Variants in ADD3 observed in about 807,000 individuals in gnomAD.
The protein encoded by ADD3 is adducin 3, also known as gamma-adducin.
A neutral mutation model predicts 80.2 loss-of-function variants in ADD3; 25 were observed. The observed-to-expected ratio is 0.31, with a 90% CI of 0.23 to 0.44. ADD3 has a LOEUF of 0.44. ADD3 is among the 20% of genes least tolerant of loss of function. The probability of loss-of-function intolerance (pLI) is 1.00; values close to 1 mark genes in which losing one functional copy is unlikely to be tolerated. For synonymous variants in ADD3, 284 were observed against 289.6 expected, an observed-to-expected ratio of 0.98 and a Z score of 0.20; for missense variants, 829 against 847.5, an observed-to-expected ratio of 0.98 and a Z score of 0.27.
rs118066002 is a variant in ADD3, at chr10:110,101,002, C to G, written c.195+154C>G. On this transcript the variant is annotated intron_variant, in intron 2 of 14. Transcript: ENST00000356080. ...AGTCTTTCAAAGGAGAAATGGACATCTAATTTGTGTATTTGATTTGCAGAG... is the reference window on the plus strand; with the variant it reads ...AGTCTTTCAAAGGAGAAATGGACATGTAATTTGTGTATTTGATTTGCAGAG... Among the ~76,000 whole-genome samples, 191 of 152,212 alleles carry G rather than the reference C, an allele frequency of 1.3e-3. 4 individuals carry two copies. The East Asian group carries it at 0.031, about 25-fold the overall frequency.
chr10:110,129,035 C>G (rs180747798), intron 12 of ADD3, among the ~76,000 whole-genome samples: 2 of 152,216 alleles, frequency 1.3e-5, no homozygotes, highest in East Asian at 3.9e-4. Flanking sequence ...TTATCTGGGA[C>G]TATTTAGTTT....
intron 11 of ADD3, 137 bp from the exon 12 acceptor site, chr10:110,126,280 A>G: frequency 1.5e-6 from 1 of 652,816 alleles, no homozygotes; most frequent in Non-Finnish European, 2.6e-6. Flanking sequence ...ATGGTAAAAG[A>G]GGTCTTTATG....
At chr10:110,008,587 C>A (rs562175782) in intron 1 of ADD3, among the ~76,000 whole-genome samples, 3 of 152,312 alleles carry the variant, frequency 2.0e-5, no homozygotes, top group South Asian at 4.1e-4. Flanking sequence ...GTGGGCCCGA[C>A]GCTTCGCGCG....
At chr10:110,005,315 C>T (rs1851583308), upstream of ADD3, among the ~76,000 whole-genome samples, 1 of 152,174 alleles carries the variant, frequency 6.6e-6, no homozygotes, top group South Asian at 2.1e-4. Flanking sequence ...CTGCCTCAGC[C>T]TCCCAAAGTG....
At chr10:110,112,734 C>T (rs1205425845) in intron 2 of ADD3, 43 bp from the exon 3 acceptor site, 1 of 1,577,170 alleles carries the variant, frequency 6.3e-7, no homozygotes, top group East Asian at 2.2e-5. Flanking sequence ...ACTTTTGGGC[C>T]ATTCAGTCTT....
intron 9 of ADD3, 191 bp from the exon 10 acceptor site, chr10:110,123,826 C>G (rs1564660618): frequency 1.7e-6 from 1 of 589,392 alleles, no homozygotes; most frequent in Non-Finnish European, 3.0e-6. Context: ...TCAGCTCTAA[C>G]TAGGTCTTGA....
chr10:110,049,917 C>T (rs568871689), intron 1 of ADD3, among the ~76,000 whole-genome samples: 7 of 152,124 alleles, frequency 4.6e-5, no homozygotes, highest in Admixed American at 1.3e-4. Context: ...ATTTGACTGC[C>T]CTGTTGGATT....
intron 1 of ADD3, among the ~76,000 whole-genome samples, chr10:110,078,625 G>A (rs1188469155): frequency 6.6e-6 from 1 of 152,174 alleles, no homozygotes; most frequent in African/African-American, 2.4e-5. Context: ...ACAGCTATTA[G>A]TTGTGTAGCC....
intron 1 of ADD3, among the ~76,000 whole-genome samples, chr10:110,063,679 A>G (rs1473014532): frequency 6.9e-6 from 1 of 145,444 alleles, no homozygotes; most frequent in African/African-American, 2.5e-5. Flanking sequence ...TAACATATAT[A>G]TAGAAAAGTA....
At chr10:110,067,510 A>G (rs1393752712) in intron 1 of ADD3, among the ~76,000 whole-genome samples, 1 of 152,198 alleles carries the variant, frequency 6.6e-6, no homozygotes, top group Non-Finnish European at 1.5e-5. Context: ...ACTGTTTCAG[A>G]TTAATAACTT....
intron 1 of ADD3, among the ~76,000 whole-genome samples, chr10:110,074,131 C>G (rs982507705): frequency 6.6e-6 from 1 of 152,178 alleles, no homozygotes; most frequent in Non-Finnish European, 1.5e-5. Context: ...TCCCCCAACC[C>G]GATATATCCT....
intron 2 of ADD3, among the ~76,000 whole-genome samples, chr10:110,107,102 C>T (rs955626780): frequency 1.3e-5 from 2 of 152,068 alleles, no homozygotes; most frequent in Non-Finnish European, 2.9e-5. Flanking sequence ...CTGAACTACA[C>T]ACTCAGGGAG....
At chr10:110,123,448 TG>T (rs1305507750) in intron 9 of ADD3, among the ~76,000 whole-genome samples, 4 of 152,224 alleles carry the variant, frequency 2.6e-5, no homozygotes, top group African/African-American at 7.2e-5. Flanking sequence ...TGCATTTTCT[TG>T]ATTAGTGATG....
intron 1 of ADD3, among the ~76,000 whole-genome samples, chr10:110,076,039 TA>T (rs1845340765): frequency 6.6e-6 from 1 of 152,210 alleles, no homozygotes; most frequent in Non-Finnish European, 1.5e-5. Context: ...CATGCATCAT[TA>T]AAAATAATAT....
At position 110,119,143 on chromosome 10, in the gene ADD3, A is replaced by C. The variant is rs1396887595; in HGVS notation, c.718-68A>C. ...CAGTGTTTTCCTGAGCTGACCAAAC[A>C]ATCAGGTTCCTATGAAAATGTATTT... On this transcript the variant is annotated intron_variant, in intron 6 of 14. Coordinates refer to ENST00000356080, the MANE Select transcript of ADD3 (RefSeq NM_016824.5). The C allele has an allele frequency of 6.4e-6, 10 of 1,559,942 alleles. No individual in the cohort carries two copies. In the Admixed American group the frequency reaches 8.7e-5, roughly 14 times the overall value.
chr10:110,077,443 G>C (rs1431625273), intron 1 of ADD3, among the ~76,000 whole-genome samples: 1 of 151,992 alleles, frequency 6.6e-6, no homozygotes, highest in African/African-American at 2.4e-5. Context: ...GCAGTGTTTT[G>C]TACTGAATTT....
intron 1 of ADD3, among the ~76,000 whole-genome samples, chr10:110,086,318 G>T (rs1310551623): frequency 6.6e-6 from 1 of 151,740 alleles, no homozygotes; most frequent in Non-Finnish European, 1.5e-5. Context: ...GCTGAGGCAG[G>T]AGAATCACTT....
At chr10:110,102,619 A>T (rs918426818) in intron 2 of ADD3, among the ~76,000 whole-genome samples, 24 of 152,314 alleles carry the variant, frequency 1.6e-4, no homozygotes, top group African/African-American at 5.8e-4. Flanking sequence ...AAAAAATTTT[A>T]AAAGAACTTA....
intron 1 of ADD3, among the ~76,000 whole-genome samples, chr10:110,015,609 C>T (rs1230782853): frequency 2.0e-5 from 3 of 151,806 alleles, no homozygotes; most frequent in Admixed American, 1.3e-4. Flanking sequence ...CTCCTGACCT[C>T]GTGATCCGTC....
Sources: allele counts gnomAD v4.1 joint callset (sites outside exome capture counted in the v4.1 genomes callset), GRCh38; gene constraint gnomAD v4.1.1; transcripts MANE v1.5; gene names NCBI Gene and HGNC (gene_info 2026-07-23, HGNC 2026-07-21).